HELZ: variants seen among roughly 807,000 people sequenced by gnomAD.
The protein encoded by HELZ is ATP-dependent RNA helicase with zinc finger domain.
In HELZ, 23 loss-of-function variants were observed where a neutral mutation model predicts 218.2. The observed-to-expected ratio is 0.11, with a 90% CI of 0.08 to 0.15. HELZ has a LOEUF of 0.15. HELZ is among the 10% of genes least tolerant of loss of function. The pLI is 1.00. For synonymous variants in HELZ, 814 were observed against 829.4 expected, an observed-to-expected ratio of 0.98 and a Z score of 0.32; for missense variants, 1,813 against 2,353.7, an observed-to-expected ratio of 0.77 and a Z score of 4.75.
chr17:67,244,967 C>T (rs935670026), intron 1 of HELZ, 181 bp downstream of exon 1: 1 of 985,880 alleles, frequency 1.0e-6, no homozygotes, highest in Non-Finnish European at 1.2e-6. Context: ...AGCGTCCGGG[C>T]CTCGCCTCGA....
intron 4 of HELZ, among the ~76,000 whole-genome samples, chr17:67,217,909 T>C (rs1230464514): frequency 1.3e-5 from 2 of 151,616 alleles, no homozygotes; most frequent in Non-Finnish European, 2.9e-5. Context: ...GGGGTTTTTT[T>C]TTTGGTTTTT....
At position 67,201,753 on chromosome 17, in the gene HELZ, T is replaced by C. The variant is rs111713024; in HGVS notation, c.373-568A>G. 2.6e-5 allele frequency among the ~76,000 whole-genome samples: 4 copies of C among 152,346 alleles called. 1 individual carries two copies. Among genetic ancestry groups the C allele is most frequent in the African/African-American group, 7.2e-5 (3 of 41,592 alleles). On this transcript the variant is annotated intron_variant, in intron 6 of 32. Transcript: ENST00000358691. Reference sequence around the variant, plus strand: ...GTAAAACTGTAATATACTTAACTTATACAGAAAAGCCCTTTAATGATAATC... The same window carrying C: ...GTAAAACTGTAATATACTTAACTTACACAGAAAAGCCCTTTAATGATAATC...
intron 31 of HELZ, among the ~76,000 whole-genome samples, chr17:67,088,055 A>G (rs982040679): frequency 2.6e-5 from 4 of 152,208 alleles, no homozygotes; most frequent in African/African-American, 9.7e-5. Context: ...CACAGTCCCC[A>G]TATCTTGGGA....
At position 67,137,012 on chromosome 17, in the gene HELZ, T is replaced by C. The variant is rs140114873; in HGVS notation, c.2954-814A>G. Among the ~76,000 whole-genome samples, 311 of 152,232 alleles carry C rather than the reference T, an allele frequency of 2.0e-3. 1 individual carries two copies. Among genetic ancestry groups the C allele is most frequent in the African/African-American group, 7.0e-3 (290 of 41,550 alleles). The stretch of plus-strand genomic sequence containing the variant: ...ATACTATTGGAACCAACCTTAAAAT[T>C]ATCTAGTCCCAGGTTCCACCCAATA... On this transcript the variant is annotated intron_variant, in intron 22 of 32. Transcript: ENST00000358691.
intron 24 of HELZ, among the ~76,000 whole-genome samples, chr17:67,127,355 T>C (rs2037832437): frequency 1.3e-5 from 2 of 152,142 alleles, no homozygotes; most frequent in Non-Finnish European, 2.9e-5. Flanking sequence ...GCTTGAGAAA[T>C]CTACAAGATT....
intron 28 of HELZ, among the ~76,000 whole-genome samples, chr17:67,110,637 G>A (rs1173365389): frequency 2.0e-5 from 3 of 152,114 alleles, no homozygotes; most frequent in African/African-American, 4.8e-5. Flanking sequence ...TAGTGCAGGC[G>A]TCTATATACC....
chr17:67,211,556 T>C (rs2040451040), intron 5 of HELZ, among the ~76,000 whole-genome samples: 1 of 152,176 alleles, frequency 6.6e-6, no homozygotes, highest in African/African-American at 2.4e-5. Flanking sequence ...TCTTACATTT[T>C]TCATATTAAA....
At chr17:67,123,835 G>GTGTGTGTA (rs1955430176) in intron 25 of HELZ, 128 bp downstream of exon 25, 1 of 725,098 alleles carries the variant, frequency 1.4e-6, no homozygotes, top group Admixed American at 2.0e-5. Context: ...GTGTGTGTGT[G>GTGTGTGTA]TGTGTGTGTG....
intron 13 of HELZ, chr17:67,172,888 G>A (rs1443838928): frequency 3.0e-5 from 6 of 202,304 alleles, no homozygotes; most frequent in Non-Finnish European, 5.3e-5. Context: ...TTATAGGTGT[G>A]AGCCACTGCG....
chr17:67,245,105 C>G (rs2041445808), intron 1 of HELZ, 43 bp downstream of exon 1: 2 of 984,722 alleles, frequency 2.0e-6, no homozygotes, highest in Admixed American at 1.2e-4. Context: ...CGGGAGCTCG[C>G]GGAGCGGCCC....
rs148457311 is a variant in HELZ at position 67,161,139 on chromosome 17, C to G, written c.1896-63G>C. ...TCGTTAATAAATAGAACATAACACA[C>G]GAGTATCGTGAATTTCAGTGAACCA... On this transcript the variant is annotated intron_variant, in intron 15 of 32. Transcript: ENST00000358691. The G allele has an allele frequency of 1.3e-4, 155 of 1,235,024 alleles. No homozygotes were observed. In the African/African-American group the frequency reaches 2.0e-3, roughly 16 times the overall value. The allele number at this position is 1,235,024 out of a possible 1,614,324, so 76.5% of individuals were successfully genotyped here.
At position 67,076,343 on chromosome 17, in the gene HELZ, A is replaced by G. The variant is rs1396095025; in HGVS notation, c.*1909T>C. ...CTTTTCTTCCTACTAAAGAATGTTG[A>G]GTAAAATTTGACATTGCTAAATGTG... is the stretch of plus-strand genomic sequence containing the variant. On this transcript the variant is annotated 3_prime_UTR_variant, in exon 33 of 33. Transcript: ENST00000358691. 6.6e-6 allele frequency: 1 copy of G among 152,238 alleles called. No individual in the cohort carries two copies. Among genetic ancestry groups the G allele is most frequent in the Non-Finnish European group, 1.5e-5 (1 of 68,052 alleles). 9.4% of individuals were successfully genotyped at this position (152,238 alleles called of 1,614,324 possible). A position where few individuals can be genotyped will look rare whatever the true frequency, so the allele number is the denominator to read the frequency against.
intron 21 of HELZ, among the ~76,000 whole-genome samples, chr17:67,143,387 C>T (rs1032384536): frequency 5.9e-5 from 9 of 152,016 alleles, no homozygotes; most frequent in Admixed American, 2.6e-4. Flanking sequence ...GTGAGAGGAT[C>T]GCTTGAGCCC....
At chr17:67,205,010 A>C (rs978746850) in intron 5 of HELZ, among the ~76,000 whole-genome samples, 1 of 152,156 alleles carries the variant, frequency 6.6e-6, no homozygotes, top group African/African-American at 2.4e-5. Flanking sequence ...ATTTGCCATT[A>C]AAGATTAAAT....
At chr17:67,138,655 T>G (rs1324612614) in intron 21 of HELZ, among the ~76,000 whole-genome samples, 2 of 152,218 alleles carry the variant, frequency 1.3e-5, no homozygotes, top group Non-Finnish European at 2.9e-5. Flanking sequence ...CAGCTGGGAC[T>G]AGGCCACATT....
chr17:67,245,650 C>T, upstream of HELZ: 1 of 381,380 alleles, frequency 2.6e-6, no homozygotes, highest in Non-Finnish European at 3.6e-6. Context: ...CCTTCAGAGG[C>T]CGCGCAGACC....
intron 17 of HELZ, among the ~76,000 whole-genome samples, chr17:67,158,564 A>C (rs1287064934): frequency 1.3e-5 from 2 of 152,234 alleles, no homozygotes; most frequent in Non-Finnish European, 2.9e-5. Flanking sequence ...TAAAGAAAAT[A>C]TTTGGGAAGT....
At chr17:67,140,197 A>T (rs1299228053) in intron 21 of HELZ, among the ~76,000 whole-genome samples, 1 of 152,192 alleles carries the variant, frequency 6.6e-6, no homozygotes, top group East Asian at 1.9e-4. Context: ...GGCAGCATGG[A>T]TTACACACAA....
At chr17:67,100,946 A>T (rs2143691888) in intron 31 of HELZ, among the ~76,000 whole-genome samples, 1 of 151,898 alleles carries the variant, frequency 6.6e-6, no homozygotes, top group South Asian at 2.1e-4. Context: ...TAAAAATATT[A>T]AAAATATTAA....
Sources: allele counts gnomAD v4.1 joint callset (sites outside exome capture counted in the v4.1 genomes callset), GRCh38; gene constraint gnomAD v4.1.1; transcripts MANE v1.5; gene names NCBI Gene and HGNC (gene_info 2026-07-23, HGNC 2026-07-21).